ADAMTS19: variants seen among roughly 807,000 people sequenced by gnomAD.
ADAMTS19 encodes ADAM metallopeptidase with thrombospondin type 1 motif 19.
In ADAMTS19, 93 loss-of-function variants were observed where a neutral mutation model predicts 153.3. The ratio of observed to expected loss-of-function variants is 0.61; its 90% confidence interval spans 0.51 to 0.72. The LOEUF (loss-of-function observed/expected upper bound fraction) is 0.72, where lower values mean the gene tolerates loss of function less well. ADAMTS19 is among the 30% of genes least tolerant of loss of function. The pLI is 0.00. For synonymous variants in ADAMTS19, 600 were observed against 556.6 expected, an observed-to-expected ratio of 1.08 and a Z score of -1.10; for missense variants, 1,482 against 1,552.1, an observed-to-expected ratio of 0.95 and a Z score of 0.76.
intron 2 of ADAMTS19, among the ~76,000 whole-genome samples, chr5:129,504,242 T>C (rs1315521997): frequency 1.3e-5 from 2 of 152,214 alleles, no homozygotes; most frequent in African/African-American, 4.8e-5. Flanking sequence ...ACTTGTCTTA[T>C]GCAAATCCTG....
At chr5:129,596,346 A>G (rs1467900231) in intron 7 of ADAMTS19, among the ~76,000 whole-genome samples, 1 of 152,090 alleles carries the variant, frequency 6.6e-6, no homozygotes, top group Non-Finnish European at 1.5e-5. Flanking sequence ...AATTTTATCT[A>G]AAATATGAAA....
At chr5:129,668,329 C>T (rs1293629174) in intron 16 of ADAMTS19, among the ~76,000 whole-genome samples, 1 of 152,132 alleles carries the variant, frequency 6.6e-6, no homozygotes, top group East Asian at 1.9e-4. Flanking sequence ...AGGTAATTAT[C>T]TAGTTTGTTT....
chr5:129,478,043 A>G (rs574758632), intron 2 of ADAMTS19, among the ~76,000 whole-genome samples: 1 of 152,354 alleles, frequency 6.6e-6, no homozygotes, highest in East Asian at 1.9e-4. Flanking sequence ...TCACAATAAT[A>G]TAAATGGTTA....
chr5:129,487,648 C>T (rs1257616305), intron 2 of ADAMTS19, among the ~76,000 whole-genome samples: 1 of 151,862 alleles, frequency 6.6e-6, no homozygotes, highest in Non-Finnish European at 1.5e-5. Flanking sequence ...TTTTGTGTTT[C>T]TCTACTTTTT....
intron 11 of ADAMTS19, among the ~76,000 whole-genome samples, chr5:129,646,892 T>A (rs1423585462): frequency 6.6e-6 from 1 of 152,180 alleles, no homozygotes; most frequent in East Asian, 1.9e-4. Context: ...CCATGTTTGC[T>A]ACGACCATCA....
At chr5:129,616,556 G>A (rs961223719) in intron 8 of ADAMTS19, among the ~76,000 whole-genome samples, 11 of 151,954 alleles carry the variant, frequency 7.2e-5, no homozygotes, top group East Asian at 1.9e-4. Context: ...CCAGCTTTCC[G>A]CAGGATATCA....
At chr5:129,719,519 A>G (rs544415185) in intron 21 of ADAMTS19, among the ~76,000 whole-genome samples, 118 of 152,284 alleles carry the variant, frequency 7.7e-4, no homozygotes, top group African/African-American at 2.8e-3. Flanking sequence ...TTTACCATGG[A>G]TTCTCCATGT....
intron 16 of ADAMTS19, among the ~76,000 whole-genome samples, chr5:129,678,327 A>C (rs1017678800): frequency 2.2e-4 from 34 of 151,602 alleles, no homozygotes; most frequent in African/African-American, 8.0e-4. Context: ...CCCTTCACTA[A>C]TTTTCTCAGT....
chr5:129,461,665 C>A lies in ADAMTS19; in HGVS notation c.655C>A (p.Pro219Thr). 6.3e-7 allele frequency: 1 copy of A among 1,584,292 alleles called. No individual in the cohort carries two copies. ...GGGGGCAGCATCCGCCCCGCAACCT[C>A]CCGCGCCACCAGACGCAGGCTGCTT... ...PTGAASAPQP[P>T]APPDAGCFYT... is the part of the protein sequence containing the mutation. Residue 219 changes from proline to threonine, a missense_variant, in exon 2 of 23, where the codon CCC becomes ACC. By Grantham distance (38) the Pro-to-Thr change is conservative (BLOSUM62 -1). Around this residue, in one of 2 missense-constraint regions of ADAMTS19, gnomAD observed 866 missense variants for 827.7 expected, o/e 1.05. Coordinates refer to ENST00000274487, the MANE Select transcript of ADAMTS19 (RefSeq NM_133638.6). The surrounding 1 kb of genome is among the most constrained non-coding windows in gnomAD (Gnocchi z 4.6).
chr5:129,460,400 G>A lies in ADAMTS19; in HGVS notation c.9G>A (p.Lys3=), dbSNP rs1486732717. The A allele has an allele frequency of 1.2e-6, 2 of 1,613,706 alleles. No homozygotes were observed. The highest frequency in any genetic ancestry group is 1.7e-6 in the Non-Finnish European group (2 of 1,180,000). The change falls in exon 1 of 23, where the codon AAG becomes AAA. Residue 3 remains lysine, a synonymous_variant. Transcript: ENST00000274487. MG[K]NREMRLTHIC... Reference sequence around the variant, plus strand: ...GGCCGCGGGAGCGCAGTATGGGGAAGAACCGCGAGATGCGCCTGACTCACA... The same window carrying A: ...GGCCGCGGGAGCGCAGTATGGGGAAAAACCGCGAGATGCGCCTGACTCACA...
intron 7 of ADAMTS19, among the ~76,000 whole-genome samples, chr5:129,576,911 C>T (rs62398986): frequency 0.061 from 9,268 of 152,204 alleles, 417 homozygotes; most frequent in Non-Finnish European, 0.088. Context: ...CTGCTGAAGA[C>T]ACTGCTGAGC....
At chr5:129,622,137 A>C (rs113870527) in intron 9 of ADAMTS19, 61 bp from the exon 10 acceptor site, 24 of 1,565,178 alleles carry the variant, frequency 1.5e-5, no homozygotes, top group African/African-American at 1.4e-4. Context: ...TTGTATGCTA[A>C]CCAATCATAT....
At chr5:129,541,013 A>C (rs907779416) in intron 6 of ADAMTS19, among the ~76,000 whole-genome samples, 3 of 152,054 alleles carry the variant, frequency 2.0e-5, no homozygotes, top group Admixed American at 6.6e-5. Context: ...GAATATTTTG[A>C]ATTAGGAATA....
At chr5:129,600,858 GTTATTATTATTATTA>G (rs67558720) in intron 8 of ADAMTS19, among the ~76,000 whole-genome samples, 2 of 150,546 alleles carry the variant, frequency 1.3e-5, no homozygotes, top group African/African-American at 2.5e-5. Flanking sequence ...AGTAGTAGGA[GTTATTATTATTATTA>G]TTATTATTAT....
intron 3 of ADAMTS19, among the ~76,000 whole-genome samples, chr5:129,516,308 T>C (rs1751605545): frequency 1.3e-5 from 2 of 150,392 alleles, no homozygotes; most frequent in African/African-American, 4.9e-5. Flanking sequence ...TAATACTGGC[T>C]TCCTAGAATG....
At chr5:129,530,658 G>C (rs76823467) in intron 6 of ADAMTS19, among the ~76,000 whole-genome samples, 1,550 of 152,152 alleles carry the variant, frequency 0.01, 33 homozygotes, top group African/African-American at 0.036. Context: ...CTTAATCTCT[G>C]AAAGGGTATC....
rs1191163184 is a variant in ADAMTS19, at chr5:129,677,810, T to A, written c.2507-1954T>A. ...ATATTTTTCGAAATACTTTAAAGCT[T>A]TACTTTCCCCCCCACCCCGCCAGAC... On this transcript the variant is annotated intron_variant, in intron 16 of 22. Coordinates refer to ENST00000274487, the MANE Select transcript of ADAMTS19 (RefSeq NM_133638.6). Among the ~76,000 whole-genome samples the A allele has an allele frequency of 2.0e-5, 3 of 151,962 alleles. No homozygotes were observed. The East Asian group carries it at 5.8e-4, about 29-fold the overall frequency.
rs887967298 is a variant in ADAMTS19, at chr5:129,499,577, A to G, written c.748-9500A>G. On this transcript the variant is annotated intron_variant, in intron 2 of 22. Coordinates refer to ENST00000274487, the MANE Select transcript of ADAMTS19 (RefSeq NM_133638.6). ...GTTTACAAGAAAATGAAGAGCAGCC[A>G]TATATTTTTCATTTGTAGGAGTGAA... Among the ~76,000 whole-genome samples, 5 of 152,144 alleles carry G rather than the reference A, an allele frequency of 3.3e-5. No homozygotes were observed. The East Asian group carries it at 9.6e-4, about 29-fold the overall frequency.
At chr5:129,644,998 A>G (rs981008569) in intron 11 of ADAMTS19, among the ~76,000 whole-genome samples, 1 of 152,142 alleles carries the variant, frequency 6.6e-6, no homozygotes, top group Non-Finnish European at 1.5e-5. Flanking sequence ...TATATGTACA[A>G]GATTTGATCA....
Sources: gnomAD v4.1 joint callset for allele counts (sites outside exome capture counted in the v4.1 genomes callset) on GRCh38, gnomAD v4.1.1 for gene constraint, gnomAD v4.1.1 regional missense constraint, Gnocchi (gnomAD v3.1) non-coding constraint, MANE v1.5 for transcripts, NCBI Gene and HGNC (gene_info 2026-07-23, HGNC 2026-07-21) for gene names.